The following UBTD1 variants were observed in gnomAD, a reference collection of about 807,000 sequenced individuals.
The protein encoded by UBTD1 is ubiquitin domain-containing protein 1.
UBTD1 carries 19 observed loss-of-function variants against 21.7 expected under a neutral mutation model. The ratio of observed to expected loss-of-function variants is 0.87; its 90% CI spans 0.61 to 1.28. UBTD1 has a LOEUF of 1.28. Among genes scored for constraint, UBTD1 ranks in the 50% most tolerant of loss-of-function variants. The pLI, the probability that UBTD1 is intolerant of heterozygous loss-of-function variation, is 0.00. For missense variants in UBTD1, 282 were observed against 315.1 expected (o/e 0.89, Z 0.80); for synonymous variants, 116 against 135.1 (o/e 0.86, Z 0.98).
chr10:97,566,482 C>G (rs1257667690), intron 1 of UBTD1, among the ~76,000 whole-genome samples: 1 of 152,164 alleles, frequency 6.6e-6, no homozygotes, highest in Non-Finnish European at 1.5e-5. Context: ...TGGTGAACTA[C>G]AGGATTTAGT....
chr10:97,512,986 C>T (rs1336441972), intron 1 of UBTD1, among the ~76,000 whole-genome samples: 7 of 152,222 alleles, frequency 4.6e-5, no homozygotes, highest in African/African-American at 1.4e-4. Flanking sequence ...TAAATGATCT[C>T]TTTTTCAAAA....
In UBTD1 at chr10:97,528,585, A is replaced by C. The variant is rs1284654594; in HGVS notation, c.70+29312A>C. Among the ~76,000 whole-genome samples the C allele has an allele frequency of 2.1e-4, 8 of 37,460 alleles. 1 individual carries two copies. Among genetic ancestry groups the C allele is most frequent in the African/African-American group, 3.6e-4 (4 of 11,266 alleles). 24.6% of individuals were successfully genotyped at this position (37,460 alleles called of 152,430 possible). A position where few individuals can be genotyped will look rare whatever the true frequency, so the allele number is the denominator to read the frequency against. ...CGCCTGGCGGGGGGCTCACCCCCCC[A>C]CCTCCCTCCCGAACGGGGCGGCTGG... On this transcript the variant is annotated intron_variant, in intron 1 of 2. Transcript: ENST00000370664.
chr10:97,525,536 G>C (rs2040484678), intron 1 of UBTD1, among the ~76,000 whole-genome samples: 1 of 152,218 alleles, frequency 6.6e-6, no homozygotes, highest in Non-Finnish European at 1.5e-5. Context: ...TGGAGGGCTA[G>C]TGGCTCAGGT....
chr10:97,539,364 C>T (rs1195195048), intron 1 of UBTD1, among the ~76,000 whole-genome samples: 6 of 152,220 alleles, frequency 3.9e-5, no homozygotes, highest in Admixed American at 6.5e-5. Context: ...GAGGCTAAGG[C>T]GGGAGGATCA....
rs1036618038 is a variant in UBTD1 at position 97,552,510 on chromosome 10, C to T, written c.71-15404C>T. Among the ~76,000 whole-genome samples, 3 of 150,188 alleles carry T rather than the reference C, an allele frequency of 2.0e-5. No homozygotes were observed. In the Admixed American group the frequency reaches 2.0e-4, roughly 10 times the overall value. On this transcript the variant is annotated intron_variant, in intron 1 of 2. Transcript: ENST00000370664. ...TCCTCAGTTCAAGCAATTCTCCTGCCTCAAGCTCCCAAGTAGTTGGGACTG... is the reference window on the plus strand; with the variant it reads ...TCCTCAGTTCAAGCAATTCTCCTGCTTCAAGCTCCCAAGTAGTTGGGACTG...
intron 1 of UBTD1, 84 bp from the exon 2 acceptor site, chr10:97,567,830 C>T: frequency 7.4e-7 from 1 of 1,351,124 alleles, no homozygotes. Flanking sequence ...CAGGGTCTGG[C>T]CTGGGGAGGG....
chr10:97,563,842 A>C (rs550837252), intron 1 of UBTD1, among the ~76,000 whole-genome samples: 1 of 152,290 alleles, frequency 6.6e-6, no homozygotes, highest in East Asian at 1.9e-4. Flanking sequence ...TAGGGTAAGG[A>C]AGAATAGACC....
chr10:97,544,640 T>C (rs1450342257), intron 1 of UBTD1, among the ~76,000 whole-genome samples: 1 of 152,172 alleles, frequency 6.6e-6, no homozygotes, highest in East Asian at 1.9e-4. Flanking sequence ...TTGTATATTA[T>C]GTGTATTACA....
At chr10:97,525,427 G>T (rs527900541) in intron 1 of UBTD1, among the ~76,000 whole-genome samples, 4 of 152,344 alleles carry the variant, frequency 2.6e-5, no homozygotes, top group Admixed American at 2.6e-4. Context: ...TCACAGAAGA[G>T]GTGACATTCT....
chr10:97,540,356 C>T (rs1399998679), intron 1 of UBTD1, among the ~76,000 whole-genome samples: 3 of 152,164 alleles, frequency 2.0e-5, no homozygotes, highest in Admixed American at 1.3e-4. Flanking sequence ...ACGTTCTGAG[C>T]GCTTGTGACC....
chr10:97,540,828 C>T (rs1050234023), intron 1 of UBTD1, among the ~76,000 whole-genome samples: 4 of 152,218 alleles, frequency 2.6e-5, no homozygotes, highest in Non-Finnish European at 5.9e-5. Context: ...TGGAGGCAGA[C>T]GTGGGCATTG....
intron 1 of UBTD1, among the ~76,000 whole-genome samples, chr10:97,562,721 A>G (rs1242223354): frequency 1.3e-5 from 2 of 152,240 alleles, no homozygotes; most frequent in African/African-American, 4.8e-5. Flanking sequence ...GTGGAATGTC[A>G]TCAGTTAAGG....
chr10:97,567,545 G>C (rs186433376), intron 1 of UBTD1, among the ~76,000 whole-genome samples: 6,049 of 151,706 alleles, frequency 0.04, 302 homozygotes, highest in African/African-American at 0.11. Context: ...TGTAATCCCA[G>C]CTACTCGGGA....
At chr10:97,523,784 G>A (rs2040476249) in intron 1 of UBTD1, among the ~76,000 whole-genome samples, 1 of 151,864 alleles carries the variant, frequency 6.6e-6, no homozygotes, top group Admixed American at 6.6e-5. Context: ...GGTGGTGCAG[G>A]GTGTAGCAGA....
intron 1 of UBTD1, among the ~76,000 whole-genome samples, chr10:97,546,059 A>G (rs1421834737): frequency 6.6e-6 from 1 of 152,146 alleles, no homozygotes; most frequent in Non-Finnish European, 1.5e-5. Context: ...TGTTGGGATT[A>G]CAGGCGTGAG....
intron 1 of UBTD1, among the ~76,000 whole-genome samples, chr10:97,558,996 C>T (rs936620410): frequency 5.9e-5 from 9 of 152,282 alleles, no homozygotes; most frequent in African/African-American, 2.2e-4. Flanking sequence ...ACCACAATAC[C>T]ACCACGCATC....
intron 1 of UBTD1, among the ~76,000 whole-genome samples, chr10:97,517,062 G>A (rs1408461486): frequency 3.9e-5 from 6 of 152,226 alleles, no homozygotes; most frequent in African/African-American, 1.2e-4. Flanking sequence ...TGGGAAAGGA[G>A]TAGGGCAGGA....
At chr10:97,555,794 CT>C (rs2040661271) in intron 1 of UBTD1, among the ~76,000 whole-genome samples, 1 of 152,194 alleles carries the variant, frequency 6.6e-6, no homozygotes, top group Non-Finnish European at 1.5e-5. Flanking sequence ...GTTTTAACTG[CT>C]GGGTTTAGGC....
At chr10:97,547,823 C>T (rs191310472) in intron 1 of UBTD1, among the ~76,000 whole-genome samples, 2 of 152,276 alleles carry the variant, frequency 1.3e-5, no homozygotes, top group Admixed American at 6.5e-5. Context: ...CCTTGGCCTC[C>T]CAAGTGCTGG....
Sources: allele counts gnomAD v4.1 joint callset (sites outside exome capture counted in the v4.1 genomes callset), GRCh38; gene constraint gnomAD v4.1.1; transcripts MANE v1.5; gene names NCBI Gene and HGNC (gene_info 2026-07-23, HGNC 2026-07-21).